TOPBP1: variants seen among roughly 807,000 people sequenced by gnomAD.
The protein encoded by TOPBP1 is DNA topoisomerase II binding protein 1.
A neutral mutation model predicts 167.7 loss-of-function variants in TOPBP1; 28 were observed. The observed-to-expected ratio is 0.17, with a 90% confidence interval of 0.12 to 0.23. The LOEUF (loss-of-function observed/expected upper bound fraction) is 0.23, where lower values mean the gene tolerates loss of function less well. TOPBP1 is among the 10% of genes least tolerant of loss of function. TOPBP1 has a pLI of 1.00. For synonymous variants in TOPBP1, 598 were observed against 611.4 expected (o/e 0.98, Z 0.32); for missense variants, 1,554 against 1,809.6 (o/e 0.86, Z 2.56).
chr3:133,642,228 C>G (rs1428888707), intron 12 of TOPBP1, among the ~76,000 whole-genome samples: 1 of 152,012 alleles, frequency 6.6e-6, no homozygotes, highest in Non-Finnish European at 1.5e-5. Context: ...AACTCCTGAG[C>G]TCAAGCAATC....
In TOPBP1 at chr3:133,652,611, A is replaced by G; in HGVS notation, c.941T>C (p.Val314Ala). The G allele has an allele frequency of 6.2e-7, 1 of 1,610,210 alleles. No homozygotes were observed. The highest frequency in any genetic ancestry group is 1.1e-5 in the South Asian group (1 of 90,466). Residue 314 changes from valine (V) to alanine (A), a missense_variant, in exon 8 of 28, where the codon GTC becomes GCC. By Grantham distance (64) the Val-to-Ala change is moderately conservative. This residue lies in a region of TOPBP1 where 1,197 missense variants were observed against 1,351.5 expected (regional missense o/e 0.89). Coordinates refer to ENST00000260810, the MANE Select transcript of TOPBP1 (RefSeq NM_007027.4). ...NTIDSRTLSDVSNISNINASC... is the reference protein window; with the variant it reads ...NTIDSRTLSDASNISNINASC... The stretch of plus-strand genomic sequence containing the variant: ...TGCATTTATGTTGGAAATATTGCTG[A>G]CATCTGAAAGAGTACGACCTACATA...
At chr3:133,631,825 A>G (rs1935492857) in intron 14 of TOPBP1, among the ~76,000 whole-genome samples, 1 of 151,838 alleles carries the variant, frequency 6.6e-6, no homozygotes, top group Non-Finnish European at 1.5e-5. Context: ...TTTAGTAGAG[A>G]TGGGGTTTCG....
At chr3:133,631,201 A>G (rs1054197428) in intron 14 of TOPBP1, among the ~76,000 whole-genome samples, 3 of 152,230 alleles carry the variant, frequency 2.0e-5, no homozygotes, top group African/African-American at 7.2e-5. Flanking sequence ...GAAAAACCCC[A>G]AAAGTTGATC....
At chr3:133,616,442 A>C (rs1408455537) in intron 23 of TOPBP1, among the ~76,000 whole-genome samples, 1 of 152,150 alleles carries the variant, frequency 6.6e-6, no homozygotes, top group East Asian at 1.9e-4. Flanking sequence ...TTCTAACTGG[A>C]AACAAACAAA....
rs759891480 is a variant in TOPBP1 at position 133,644,279 on chromosome 3, T to C, written c.1589A>G (p.Gln530Arg). 1.2e-5 allele frequency: 20 copies of C among 1,613,752 alleles called. No homozygotes were observed. The highest frequency in any genetic ancestry group is 3.3e-4 in the Middle Eastern group (2 of 6,062). The change falls in exon 11 of 28, where the codon CAA (glutamine) becomes CGA (arginine). Residue 530 changes from glutamine (Q) to arginine (R), a missense_variant. Transcript: ENST00000260810. ...PLNDSTHISL[Q>R]EENQSSVSHC... is the part of the protein sequence containing the mutation. ...ACTGACAGAAGACTGGTTTTCTTCTTGCAAAGAAATGTGAGTAGAATCATT... is the reference window on the plus strand; with the variant it reads ...ACTGACAGAAGACTGGTTTTCTTCTCGCAAAGAAATGTGAGTAGAATCATT...
chr3:133,648,105 A>G (rs1009520792), intron 10 of TOPBP1, among the ~76,000 whole-genome samples: 2 of 152,232 alleles, frequency 1.3e-5, no homozygotes, highest in African/African-American at 4.8e-5. Flanking sequence ...GCCAGAGGAT[A>G]AAGACAGATT....
rs1379593779 is a variant in TOPBP1, at chr3:133,600,240, T to TG, written c.*1009_*1010insC. On this transcript the variant is annotated 3_prime_UTR_variant, in exon 28 of 28. Coordinates refer to ENST00000260810, the MANE Select transcript of TOPBP1 (RefSeq NM_007027.4). ...CCACCGTGCCTGGCCTGCAATTCTTTTTTTTTTTTTTTTTGAGATGGAGTT... is the reference window on the plus strand; with the variant it reads ...CCACCGTGCCTGGCCTGCAATTCTTTGTTTTTTTTTTTTTTGAGATGGAGTT... 6.6e-6 allele frequency: 1 copy of TG among 150,418 alleles called. No individual in the cohort carries two copies. Among genetic ancestry groups the TG allele is most frequent in the African/African-American group, 2.5e-5 (1 of 40,034 alleles). The allele number at this position is 150,418 out of a possible 1,614,324, so 9.3% of individuals were successfully genotyped here.
At chr3:133,618,174 A>G in intron 21 of TOPBP1, 39 bp downstream of exon 21, 1 of 1,529,086 alleles carries the variant, frequency 6.5e-7, no homozygotes, top group Middle Eastern at 1.7e-4. Context: ...GTCAACATGT[A>G]CTTAATACAA....
chr3:133,608,826 A>AGAT (rs1443386228), intron 26 of TOPBP1, 47 bp downstream of exon 26: 2 of 1,578,572 alleles, frequency 1.3e-6, no homozygotes, highest in South Asian at 2.3e-5. Flanking sequence ...AATCTTGGTT[A>AGAT]GATGATTATT....
At chr3:133,632,807 T>A (rs1056466629) in intron 14 of TOPBP1, among the ~76,000 whole-genome samples, 2 of 152,018 alleles carry the variant, frequency 1.3e-5, no homozygotes, top group Non-Finnish European at 2.9e-5. Context: ...GGGTCTCAGT[T>A]TGTCACCCAG....
chr3:133,652,323 A>G lies in TOPBP1; in HGVS notation c.1089+140T>C, dbSNP rs1014675004. ...CGCAGCCAAAGGATGGACATGGTCT[A>G]GTAAGTGCATCTACTTAGCTAGAGT... On this transcript the variant is annotated intron_variant, in intron 8 of 27. Transcript: ENST00000260810. 7.6e-6 allele frequency: 6 copies of G among 784,912 alleles called. No individual in the cohort carries two copies. In the East Asian group the frequency reaches 8.2e-5, roughly 11 times the overall value. 48.6% of individuals were successfully genotyped at this position (784,912 alleles called of 1,614,324 possible).
chr3:133,611,218 G>A, intron 24 of TOPBP1, 77 bp from the exon 25 acceptor site: 1 of 1,361,048 alleles, frequency 7.3e-7, no homozygotes, highest in Non-Finnish European at 9.9e-7. Flanking sequence ...TCCTCAAGGA[G>A]CCCAAAGTCT....
intron 3 of TOPBP1, among the ~76,000 whole-genome samples, 186 bp downstream of exon 3, chr3:133,658,822 AAAACAAAC>A (rs200458233): frequency 6.6e-6 from 1 of 152,134 alleles, no homozygotes; most frequent in Non-Finnish European, 1.5e-5. Flanking sequence ...AACAAAAACA[AAAACAAAC>A]AAACAAACAA....
chr3:133,641,506 C>T (rs564099364), intron 12 of TOPBP1, among the ~76,000 whole-genome samples: 1 of 152,274 alleles, frequency 6.6e-6, no homozygotes, highest in Non-Finnish European at 1.5e-5. Context: ...ACTGAGACTA[C>T]AGATTTATGC....
Position 133,628,739 on chromosome 3 carries a change from C to G in TOPBP1, c.2521-6G>C. ...TCCAAGGCTGCAAGTGCATCCTATA[C>G]ATATGAAGGAGAGAGAGAGATGGAG... On this transcript the variant is annotated splice_polypyrimidine_tract_variant and splice_region_variant and intron_variant, in intron 14 of 27. Transcript: ENST00000260810. 1 of 1,550,482 alleles carries G rather than the reference C, an allele frequency of 6.4e-7. No individual in the cohort carries two copies.
intron 2 of TOPBP1, 129 bp from the exon 3 acceptor site, chr3:133,659,279 C>T (rs1051839176): frequency 2.2e-6 from 2 of 895,258 alleles, no homozygotes; most frequent in Non-Finnish European, 1.6e-6. Context: ...TAGACCTCTG[C>T]AGAAGGCTCC....
chr3:133,650,519 C>T (rs773737457), intron 8 of TOPBP1, among the ~76,000 whole-genome samples: 2 of 152,048 alleles, frequency 1.3e-5, no homozygotes, highest in Admixed American at 6.6e-5. Context: ...AGTCAAAGAA[C>T]TGAACACAAT....
At chr3:133,605,192 G>A (rs1934448112) in intron 27 of TOPBP1, among the ~76,000 whole-genome samples, 1 of 148,672 alleles carries the variant, frequency 6.7e-6, no homozygotes, top group Non-Finnish European at 1.5e-5. Context: ...GAGCCAGACC[G>A]TGTCTCAAAA....
intron 25 of TOPBP1, among the ~76,000 whole-genome samples, chr3:133,609,678 C>A (rs1934608945): frequency 6.6e-6 from 1 of 152,166 alleles, no homozygotes; most frequent in South Asian, 2.1e-4. Flanking sequence ...TTGCTCTGCA[C>A]TTCTCTCTCC....
Sources: gnomAD v4.1 joint callset for allele counts (sites outside exome capture counted in the v4.1 genomes callset) on GRCh38, gnomAD v4.1.1 for gene constraint, gnomAD v4.1.1 regional missense constraint, MANE v1.5 for transcripts, NCBI Gene and HGNC (gene_info 2026-07-23, HGNC 2026-07-21) for gene names.